The following SNX29 variants were observed in gnomAD, a reference collection of about 807,000 sequenced individuals.
SNX29 encodes the protein sorting nexin 29, also known as sorting nexin-29.
SNX29 carries 78 observed loss-of-function variants against 102.1 expected under a neutral mutation model. The observed-to-expected ratio is 0.76, with a 90% CI of 0.64 to 0.92. The LOEUF (loss-of-function observed/expected upper bound fraction) is 0.92, where lower values mean the gene tolerates loss of function less well. Among genes scored for constraint, SNX29 ranks in the 40% least tolerant of loss-of-function variants. The probability of loss-of-function intolerance (pLI) is 0.00; values close to 1 mark genes in which losing one functional copy is unlikely to be tolerated. For missense variants in SNX29, 1,280 were observed against 1,061.7 expected (o/e 1.21, Z -2.86); for synonymous variants, 580 against 414.5 (o/e 1.40, Z -4.85).
intron 8 of SNX29, among the ~76,000 whole-genome samples, chr16:12,059,883 A>G (rs1236627930): frequency 1.3e-5 from 2 of 152,212 alleles, no homozygotes; most frequent in Non-Finnish European, 2.9e-5. Context: ...CTCCAGTCCC[A>G]CAGCCTTGGT....
At chr16:12,161,546 C>T (rs892591382) in intron 13 of SNX29, among the ~76,000 whole-genome samples, 1 of 152,200 alleles carries the variant, frequency 6.6e-6, no homozygotes, top group African/African-American at 2.4e-5. Flanking sequence ...GTAGGGTGGG[C>T]ATCTGATACG....
At chr16:12,031,623 G>A (rs555215496) in intron 4 of SNX29, among the ~76,000 whole-genome samples, 16 of 151,938 alleles carry the variant, frequency 1.1e-4, no homozygotes, top group African/African-American at 3.9e-4. Flanking sequence ...TAGCTAACAC[G>A]GTGAAACCCA....
Position 12,117,576 on chromosome 16 carries a change from C to A in SNX29, c.1403-9057C>A, listed in dbSNP as rs577974866. 2.6e-5 allele frequency among the ~76,000 whole-genome samples: 4 copies of A among 152,280 alleles called. No individual in the cohort carries two copies. The South Asian group carries it at 8.3e-4, about 32-fold the overall frequency. On this transcript the variant is annotated intron_variant, in intron 11 of 20. Coordinates refer to ENST00000566228, the MANE Select transcript of SNX29 (RefSeq NM_032167.5). The stretch of plus-strand genomic sequence containing the variant: ...TGTGAAGCATTGGAGTACGTAAATT[C>A]ATAGAGACGCAATGTGGATCAGAGG...
intron 14 of SNX29, among the ~76,000 whole-genome samples, chr16:12,227,412 A>G (rs1024923781): frequency 2.6e-5 from 4 of 152,110 alleles, no homozygotes; most frequent in African/African-American, 7.2e-5. Flanking sequence ...CTCATGTTTT[A>G]TGGTTAACTG....
At chr16:12,278,874 C>G (rs1314245115) in intron 15 of SNX29, among the ~76,000 whole-genome samples, 2 of 152,092 alleles carry the variant, frequency 1.3e-5, no homozygotes, top group Non-Finnish European at 2.9e-5. Flanking sequence ...TGTAAGTCAT[C>G]TCATTAGTAG....
intron 20 of SNX29, among the ~76,000 whole-genome samples, chr16:12,544,174 C>G (rs1794313): frequency 0.15 from 22,881 of 152,204 alleles, 1,842 homozygotes; most frequent in South Asian, 0.18. Flanking sequence ...GGATGGGAAT[C>G]GGTGGTGTGC....
chr16:12,542,484 A>G (rs1355399995), intron 20 of SNX29, among the ~76,000 whole-genome samples: 1 of 152,196 alleles, frequency 6.6e-6, no homozygotes, highest in Non-Finnish European at 1.5e-5. Flanking sequence ...GGGACCCACT[A>G]CCACACCTGG....
intron 14 of SNX29, among the ~76,000 whole-genome samples, chr16:12,219,600 C>A (rs1349351318): frequency 6.6e-6 from 1 of 152,162 alleles, no homozygotes; most frequent in African/African-American, 2.4e-5. Context: ...CTTGTCTGTT[C>A]GTGAAGACCA....
At chr16:12,537,505 A>G (rs1297123110) in intron 20 of SNX29, among the ~76,000 whole-genome samples, 4 of 152,220 alleles carry the variant, frequency 2.6e-5, no homozygotes, top group Non-Finnish European at 5.9e-5. Context: ...GAGATTTCAC[A>G]GGCTTGTTGG....
At chr16:12,222,248 G>T (rs1157324889) in intron 14 of SNX29, among the ~76,000 whole-genome samples, 1 of 152,204 alleles carries the variant, frequency 6.6e-6, no homozygotes, top group South Asian at 2.1e-4. Context: ...TCTGATGGGT[G>T]CAGGGGTGAG....
At chr16:12,001,890 C>T (rs1045336679) in intron 2 of SNX29, among the ~76,000 whole-genome samples, 4 of 151,950 alleles carry the variant, frequency 2.6e-5, no homozygotes, top group Non-Finnish European at 4.4e-5. Context: ...CCTGGTGGCA[C>T]GTTCCTGTAA....
chr16:12,548,903 C>T (rs528279304), intron 20 of SNX29, among the ~76,000 whole-genome samples: 115 of 152,324 alleles, frequency 7.5e-4, no homozygotes, highest in African/African-American at 2.4e-3. Flanking sequence ...AGCACTCACT[C>T]GGGCTGTAGG....
chr16:12,408,157 C>CAAAAAAA lies in SNX29; in HGVS notation c.2037+4629_2037+4635dup, dbSNP rs1555530421. Among the ~76,000 whole-genome samples the CAAAAAAA allele has an allele frequency of 2.4e-3, 341 of 142,760 alleles. 11 individuals are homozygous for CAAAAAAA. Among genetic ancestry groups the CAAAAAAA allele is most frequent in the African/African-American group, 8.6e-3 (310 of 35,946 alleles). 93.7% of individuals were successfully genotyped at this position (142,760 alleles called of 152,430 possible). A position where few individuals can be genotyped will look rare whatever the true frequency, so the allele number is the denominator to read the frequency against. ...CTGGGTGGCAGAGCAGGACCCTTCT[C>CAAAAAAA]AAAAAAACAAACAAACAAACAAAAA... On this transcript the variant is annotated intron_variant, in intron 18 of 20. Transcript: ENST00000566228.
chr16:12,031,622 C>T (rs556226055), intron 4 of SNX29, among the ~76,000 whole-genome samples: 8 of 151,562 alleles, frequency 5.3e-5, no homozygotes, highest in South Asian at 2.1e-4. Flanking sequence ...CTAGCTAACA[C>T]GGTGAAACCC....
intron 14 of SNX29, among the ~76,000 whole-genome samples, chr16:12,202,430 CG>C (rs1338464966): frequency 6.6e-6 from 1 of 152,068 alleles, no homozygotes; most frequent in East Asian, 1.9e-4. Flanking sequence ...TCAGATTTGC[CG>C]GAAGTTTACA....
Position 12,027,353 on chromosome 16 carries a change from C to T in SNX29, c.156C>T (p.Val52=), listed in dbSNP as rs372472396. The change falls in exon 4 of 21, where the codon GTC becomes GTT. Residue 52 remains valine, a synonymous_variant. Transcript: ENST00000566228. ...GTCTGTGTGCCCAGTTTGAAGCCGT[C>T]CTGCAGCATGGCTTGAAGAGGAGTC... ...VTCLCAQFEA[V]LQHGLKRSRG... 7.4e-6 allele frequency: 12 copies of T among 1,614,106 alleles called. No individual in the cohort carries two copies. The highest frequency in any genetic ancestry group is 1.0e-5 in the Non-Finnish European group (12 of 1,179,996).
At chr16:12,207,113 A>G (rs1014958346) in intron 14 of SNX29, among the ~76,000 whole-genome samples, 1 of 152,154 alleles carries the variant, frequency 6.6e-6, no homozygotes, top group Non-Finnish European at 1.5e-5. Flanking sequence ...TCACGCCTGT[A>G]ATCCCAGCAT....
At chr16:12,497,747 C>T (rs1426227673) in intron 19 of SNX29, among the ~76,000 whole-genome samples, 2 of 152,190 alleles carry the variant, frequency 1.3e-5, no homozygotes, top group African/African-American at 2.4e-5. Flanking sequence ...TGATCAGCTG[C>T]CTCAAGGCTT....
chr16:12,013,508 T>A (rs1471167576), intron 3 of SNX29, among the ~76,000 whole-genome samples: 5,190 of 32,254 alleles, frequency 0.16, 718 homozygotes, highest in Non-Finnish European at 0.2. Context: ...AAAATATATA[T>A]ATATATATAT....
Sources: gnomAD v4.1 joint callset for allele counts (sites outside exome capture counted in the v4.1 genomes callset) on GRCh38, gnomAD v4.1.1 for gene constraint, MANE v1.5 for transcripts, NCBI Gene and HGNC (gene_info 2026-07-23, HGNC 2026-07-21) for gene names.